WDR27: variants seen among roughly 807,000 people sequenced by gnomAD.
WDR27 encodes the protein WD repeat domain 27, also known as WD repeat-containing protein 27.
WDR27 carries 100 observed loss-of-function variants against 114.4 expected under a neutral mutation model. That is an observed-to-expected ratio of 0.87 (90% CI 0.74 to 1.03). WDR27 has a LOEUF of 1.03. Ranked by LOEUF, WDR27 falls within the 50% of genes least tolerant of loss-of-function variation. WDR27 has a pLI of 0.00. For missense variants in WDR27, 1,129 were observed against 1,092.9 expected (o/e 1.03, Z -0.47); for synonymous variants, 449 against 423.1 (o/e 1.06, Z -0.75).
chr6:169,534,090 A>T (rs1795940925), intron 25 of WDR27, among the ~76,000 whole-genome samples: 1 of 152,126 alleles, frequency 6.6e-6, no homozygotes, highest in Admixed American at 6.5e-5. Flanking sequence ...GCTGTTGCTA[A>T]GTGTTTGTAT....
chr6:169,693,998 G>T (rs142644852), intron 1 of WDR27, among the ~76,000 whole-genome samples: 1 of 152,310 alleles, frequency 6.6e-6, no homozygotes, highest in East Asian at 1.9e-4. Flanking sequence ...AAATTAACAT[G>T]TATTTGTGCC....
intron 25 of WDR27, among the ~76,000 whole-genome samples, chr6:169,539,220 T>A (rs1423470177): frequency 2.6e-5 from 4 of 152,182 alleles, no homozygotes; most frequent in African/African-American, 9.6e-5. Context: ...CCCAGTCCCT[T>A]CTGTCCACTG....
chr6:169,628,241 C>T (rs1432884724), intron 21 of WDR27, among the ~76,000 whole-genome samples: 4 of 152,242 alleles, frequency 2.6e-5, no homozygotes, highest in East Asian at 1.9e-4. Flanking sequence ...CCTCATGAGA[C>T]GCTGATCTGC....
chr6:169,643,678 A>G lies in WDR27; in HGVS notation c.1747+19T>C, dbSNP rs781151823. 16 of 1,608,892 alleles carry G rather than the reference A, an allele frequency of 9.9e-6. No individual in the cohort carries two copies. The South Asian group carries it at 1.7e-4, about 17-fold the overall frequency. On this transcript the variant is annotated intron_variant, in intron 17 of 25. Transcript: ENST00000448612. ...CCCATCCTTAAGTTCATACTGACTG[A>G]AATTAAGACATGTTTTACCTGAAAA...
At chr6:169,669,151 G>A (rs1193928663) in intron 4 of WDR27, among the ~76,000 whole-genome samples, 1 of 152,146 alleles carries the variant, frequency 6.6e-6, no homozygotes. Flanking sequence ...ATTAAAAAGT[G>A]CCTTTTACCA....
chr6:169,658,747 G>A (rs1490169822), intron 12 of WDR27, among the ~76,000 whole-genome samples: 3 of 150,446 alleles, frequency 2.0e-5, no homozygotes, highest in East Asian at 2.0e-4. Flanking sequence ...GCAGTGGCGC[G>A]ATCTCAGCTC....
At chr6:169,672,144 G>C (rs73240771) in intron 3 of WDR27, 111 bp downstream of exon 3, 1 of 1,125,142 alleles carries the variant, frequency 8.9e-7, no homozygotes, top group Non-Finnish European at 1.2e-6. Flanking sequence ...CAAACCCCCC[G>C]AGGGACTGCT....
intron 25 of WDR27, among the ~76,000 whole-genome samples, chr6:169,490,373 T>C (rs1789588750): frequency 6.6e-6 from 1 of 152,362 alleles, no homozygotes; most frequent in South Asian, 2.1e-4. Flanking sequence ...TTTGGGATTG[T>C]ACATGACAAA....
At chr6:169,577,317 C>T (rs1322774037) in intron 24 of WDR27, among the ~76,000 whole-genome samples, 2 of 152,084 alleles carry the variant, frequency 1.3e-5, no homozygotes, top group African/African-American at 2.4e-5. Context: ...GAGGGGGCGT[C>T]CGCGCCGAGC....
At chr6:169,617,900 T>C (rs1812247427) in intron 21 of WDR27, among the ~76,000 whole-genome samples, 1 of 152,196 alleles carries the variant, frequency 6.6e-6, no homozygotes, top group Non-Finnish European at 1.5e-5. Context: ...AGCCTGCTCT[T>C]CGTTAGAAAA....
In WDR27 at chr6:169,464,537, A is replaced by C. The variant is rs571783553; in HGVS notation, c.2646-6903T>G. ...CAGAGAAAAAATAGACAAGTGGAAA[A>C]ATTTTTTAAGTTTGTGCATAAAAAG... is the stretch of plus-strand genomic sequence containing the variant. On this transcript the variant is annotated intron_variant, in intron 25 of 25. Transcript: ENST00000448612. Among the ~76,000 whole-genome samples, 26 of 152,320 alleles carry C rather than the reference A, an allele frequency of 1.7e-4. 1 individual carries two copies. The South Asian group carries it at 4.6e-3, about 27-fold the overall frequency.
intron 24 of WDR27, among the ~76,000 whole-genome samples, chr6:169,581,686 T>C (rs904444301): frequency 6.6e-6 from 1 of 152,242 alleles, no homozygotes; most frequent in East Asian, 1.9e-4. Flanking sequence ...CTCTGGTCCA[T>C]GACAGCACAA....
intron 1 of WDR27, among the ~76,000 whole-genome samples, chr6:169,697,484 G>A (rs1786486819): frequency 1.3e-5 from 2 of 152,160 alleles, no homozygotes; most frequent in Admixed American, 6.5e-5. Context: ...TACCTCTTGT[G>A]GAGGGCCCGA....
chr6:169,436,478 T>C, the WDR27 span, among the ~76,000 whole-genome samples: 1 of 103,110 alleles, frequency 9.7e-6, no homozygotes, highest in East Asian at 1.9e-3. Flanking sequence ...TAAGTATCCA[T>C]ATATTTAACT....
chr6:169,544,660 C>G (rs1262710504), intron 25 of WDR27, among the ~76,000 whole-genome samples: 1 of 152,182 alleles, frequency 6.6e-6, no homozygotes, highest in Non-Finnish European at 1.5e-5. Context: ...GTCTCAAACA[C>G]CTGGCCTCAA....
intron 25 of WDR27, among the ~76,000 whole-genome samples, chr6:169,494,592 T>C (rs906771876): frequency 2.0e-5 from 3 of 152,118 alleles, no homozygotes; most frequent in East Asian, 1.9e-4. Flanking sequence ...CAGTCCATCA[T>C]TGACTGAAAT....
Position 169,683,778 on chromosome 6 carries a change from C to T in WDR27, c.189+5039G>A, listed in dbSNP as rs190322323. Among the ~76,000 whole-genome samples, 664 of 152,312 alleles carry T rather than the reference C, an allele frequency of 4.4e-3. 6 individuals are homozygous for T. Among genetic ancestry groups the T allele is most frequent in the African/African-American group, 0.015 (635 of 41,566 alleles). ...AGATCCCCAACCACCCACATCACCACCACAAACACCTGAAGTCTTTACAAC... is the reference window on the plus strand; with the variant it reads ...AGATCCCCAACCACCCACATCACCATCACAAACACCTGAAGTCTTTACAAC... On this transcript the variant is annotated intron_variant, in intron 2 of 25. Coordinates refer to ENST00000448612, the MANE Select transcript of WDR27 (RefSeq NM_182552.5).
intron 2 of WDR27, among the ~76,000 whole-genome samples, chr6:169,681,483 G>A (rs1166429696): frequency 6.6e-6 from 1 of 152,236 alleles, no homozygotes; most frequent in Admixed American, 6.5e-5. Context: ...GATTCACTAA[G>A]CGTGCTCGTA....
At chr6:169,458,345 A>G (rs984183690) in intron 25 of WDR27, among the ~76,000 whole-genome samples, 1 of 152,152 alleles carries the variant, frequency 6.6e-6, no homozygotes, top group African/African-American at 2.4e-5. Flanking sequence ...GGGTGCAAAT[A>G]GGCGAGCAGC....
Sources: allele counts gnomAD v4.1 joint callset (sites outside exome capture counted in the v4.1 genomes callset), GRCh38; gene constraint gnomAD v4.1.1; transcripts MANE v1.5; gene names NCBI Gene and HGNC (gene_info 2026-07-23, HGNC 2026-07-21).